Variants in FNDC5 observed in about 807,000 individuals in gnomAD.
FNDC5 encodes fibronectin type III domain-containing protein 5.
Under a neutral mutation model 24.6 loss-of-function variants are expected in FNDC5, and 10 were observed. That is an observed-to-expected ratio of 0.41 (90% CI 0.25 to 0.69). The LOEUF is 0.69. Ranked by LOEUF, FNDC5 falls within the 30% of genes least tolerant of loss-of-function variation. FNDC5 has a pLI of 0.34. For synonymous variants in FNDC5, 90 were observed against 110.7 expected, an observed-to-expected ratio of 0.81 and a Z score of 1.18; for missense variants, 226 against 282.9, an observed-to-expected ratio of 0.80 and a Z score of 1.44.
chr1:32,869,708 A>C (rs1287234598), intron 1 of FNDC5, among the ~76,000 whole-genome samples: 1 of 151,916 alleles, frequency 6.6e-6, no homozygotes, highest in Non-Finnish European at 1.5e-5. Flanking sequence ...ATGAGGAATC[A>C]CTCCAGAAGA....
chr1:32,868,302 C>A lies in FNDC5; in HGVS notation c.297G>T (p.Thr99=), dbSNP rs371060777. 2.8e-5 allele frequency: 46 copies of A among 1,614,206 alleles called. No homozygotes were observed. The East Asian group carries it at 1.0e-3, about 35-fold the overall frequency. ...TGGCCTGCACGTGGACTATGTACTC[C>A]GTATCCTCCTCCAGGTCCCAGAGGG... The change falls in exon 3 of 6, where the codon ACG becomes ACT. Residue 99 remains threonine, a synonymous_variant. Coordinates refer to ENST00000373471, the MANE Select transcript of FNDC5 (RefSeq NM_153756.3). The surrounding 1 kb of genome is among the most constrained non-coding windows in gnomAD (Gnocchi z 4.8).
At chr1:32,866,169 G>T (rs984804309) in intron 4 of FNDC5, among the ~76,000 whole-genome samples, 1 of 151,954 alleles carries the variant, frequency 6.6e-6, no homozygotes, top group Non-Finnish European at 1.5e-5. Context: ...GGGTTAATTC[G>T]CTATGTTTAT....
rs565322773 is a variant in FNDC5, at chr1:32,869,866, C to T, written c.94+787G>A. Among the ~76,000 whole-genome samples the T allele has an allele frequency of 1.3e-5, 2 of 152,184 alleles. 1 individual carries two copies. The highest frequency in any genetic ancestry group is 4.1e-4 in the South Asian group (2 of 4,820). On this transcript the variant is annotated intron_variant, in intron 1 of 5. Coordinates refer to ENST00000373471, the MANE Select transcript of FNDC5 (RefSeq NM_153756.3). ...GGGCAGAGCTGCGCCTGAGCAGCACCCCTCACCCCACAGAGAGTGAACTTG... is the reference window on the plus strand; with the variant it reads ...GGGCAGAGCTGCGCCTGAGCAGCACTCCTCACCCCACAGAGAGTGAACTTG...
chr1:32,865,601 G>A (rs1305401768), intron 4 of FNDC5, among the ~76,000 whole-genome samples: 2 of 152,054 alleles, frequency 1.3e-5, no homozygotes, highest in African/African-American at 4.8e-5. Context: ...AGTGAGCTGA[G>A]ATCAGGCCAC....
rs1641168468 is a variant in FNDC5 at position 32,870,795 on chromosome 1, T to C, written c.-49A>G. The C allele has an allele frequency of 1.2e-6, 1 of 840,918 alleles. No homozygotes were observed. The highest frequency in any genetic ancestry group is 1.9e-5 in the African/African-American group (1 of 52,762). The allele number at this position is 840,918 out of a possible 1,614,324, so 52.1% of individuals were successfully genotyped here. A position where few individuals can be genotyped will look rare whatever the true frequency, so the allele number is the denominator to read the frequency against. On this transcript the variant is annotated 5_prime_UTR_variant, in exon 1 of 6. Coordinates refer to ENST00000373471, the MANE Select transcript of FNDC5 (RefSeq NM_153756.3). ...CCGGGGCGGCGCAGGGGGACGCGGC[T>C]CCGGCGCCCGGCGGCCGCTCGCGCT...
Position 32,870,812 on chromosome 1 carries a change from G to T in FNDC5, c.-66C>A. The T allele has an allele frequency of 3.4e-6, 2 of 589,026 alleles. No individual in the cohort carries two copies. The highest frequency in any genetic ancestry group is 4.2e-6 in the Non-Finnish European group (2 of 472,286). 36.5% of individuals were successfully genotyped at this position (589,026 alleles called of 1,614,324 possible). On this transcript the variant is annotated 5_prime_UTR_variant, in exon 1 of 6. Coordinates refer to ENST00000373471, the MANE Select transcript of FNDC5 (RefSeq NM_153756.3). Reference sequence around the variant, plus strand: ...GACGCGGCTCCGGCGCCCGGCGGCCGCTCGCGCTCGCGCTCCGGCCCCCGG... The same window carrying T: ...GACGCGGCTCCGGCGCCCGGCGGCCTCTCGCGCTCGCGCTCCGGCCCCCGG...
At chr1:32,871,620 G>A (rs1641186191), upstream of FNDC5, among the ~76,000 whole-genome samples, 1 of 152,220 alleles carries the variant, frequency 6.6e-6, no homozygotes, top group Non-Finnish European at 1.5e-5. Context: ...GGAGGAGCCT[G>A]CAGCTTGGAC....
Position 32,863,774 on chromosome 1 carries a change from A to G in FNDC5, c.*520T>C. ...TGATGTTCACTGAGGGCTTGTTTGG[A>G]AACTGGGAGGAAAAAAATGAGAGAA... On this transcript the variant is annotated 3_prime_UTR_variant, in exon 6 of 6. Transcript: ENST00000373471. The G allele has an allele frequency of 7.7e-7, 1 of 1,304,628 alleles. No homozygotes were observed. Among genetic ancestry groups the G allele is most frequent in the Non-Finnish European group, 1.0e-6 (1 of 989,064 alleles). 80.8% of individuals were successfully genotyped at this position (1,304,628 alleles called of 1,614,324 possible).
intron 3 of FNDC5, 115 bp from the exon 4 acceptor site, chr1:32,867,957 A>G: frequency 8.9e-7 from 1 of 1,127,536 alleles, no homozygotes. Flanking sequence ...TCTAACATAC[A>G]TTCTAGAATG....
intron 5 of FNDC5, 26 bp downstream of exon 5, chr1:32,864,638 C>T (rs1157384050): frequency 6.2e-7 from 1 of 1,613,374 alleles, no homozygotes; most frequent in East Asian, 2.2e-5. Context: ...CAGGGTGGCC[C>T]ACCCAGGCCC....
rs1641170249 is a variant in FNDC5 at position 32,870,833 on chromosome 1, C to CCGGCCCGG, written c.-88_-87insCCGGGCCG. On this transcript the variant is annotated 5_prime_UTR_variant, in exon 1 of 6. Coordinates refer to ENST00000373471, the MANE Select transcript of FNDC5 (RefSeq NM_153756.3). ...GGCCGCTCGCGCTCGCGCTCCGGCC[C>CCGGCCCGG]CCGGCCCGGCCGGCCCGGCCGCTCC... is the stretch of plus-strand genomic sequence containing the variant. The CCGGCCCGG allele has an allele frequency of 3.4e-5, 13 of 378,356 alleles. No homozygotes were observed. The highest frequency in any genetic ancestry group is 4.6e-5 in the Non-Finnish European group (13 of 279,800). 23.4% of individuals were successfully genotyped at this position (378,356 alleles called of 1,614,324 possible).
chr1:32,871,055 G>A (rs1416420289), upstream of FNDC5: 2 of 150,678 alleles, frequency 1.3e-5, no homozygotes, highest in South Asian at 2.1e-4. Flanking sequence ...TAGGTCCTCT[G>A]CCGGGGAGGA....
chr1:32,863,969 C>T lies in FNDC5; in HGVS notation c.*325G>A, dbSNP rs904562065. On this transcript the variant is annotated 3_prime_UTR_variant, in exon 6 of 6. Coordinates refer to ENST00000373471, the MANE Select transcript of FNDC5 (RefSeq NM_153756.3). ...TGTCTTTTTGCCTTTTCAAACCCAG[C>T]CTTCAGCCTCACTCAACTGAATGGC... 7 of 1,306,164 alleles carry T rather than the reference C, an allele frequency of 5.4e-6. No homozygotes were observed. The African/African-American group carries it at 1.1e-4, about 20-fold the overall frequency. The allele number at this position is 1,306,164 out of a possible 1,614,324, so 80.9% of individuals were successfully genotyped here.
chr1:32,866,739 A>C (rs1206695596), intron 4 of FNDC5, among the ~76,000 whole-genome samples: 1 of 152,192 alleles, frequency 6.6e-6, no homozygotes, highest in Non-Finnish European at 1.5e-5. Flanking sequence ...ACGAAAAGAA[A>C]AAAGAAAAGT....
chr1:32,867,194 TAAAG>T (rs1641086856), intron 4 of FNDC5, among the ~76,000 whole-genome samples: 1 of 151,928 alleles, frequency 6.6e-6, no homozygotes. Context: ...ACACAAGGGC[TAAAG>T]AGAGGGTTAA....
intron 1 of FNDC5, 91 bp downstream of exon 1, chr1:32,870,562 A>AG: frequency 1.3e-6 from 1 of 764,804 alleles, no homozygotes; most frequent in Non-Finnish European, 1.7e-6. Context: ...AGGAGTCCCT[A>AG]GGGGGCAGAG....
intron 4 of FNDC5, 53 bp from the exon 5 acceptor site, chr1:32,864,850 C>T: frequency 6.2e-7 from 1 of 1,604,264 alleles, no homozygotes. Flanking sequence ...TCCTGCCTCC[C>T]CTGCTTCTTT....
chr1:32,866,138 AC>A (rs1237205206), intron 4 of FNDC5, among the ~76,000 whole-genome samples: 1 of 152,156 alleles, frequency 6.6e-6, no homozygotes, highest in Admixed American at 6.5e-5. Flanking sequence ...TATTATCCTA[AC>A]AAAATTACAT....
chr1:32,871,841 G>C (rs183937118), upstream of FNDC5, among the ~76,000 whole-genome samples: 6 of 152,322 alleles, frequency 3.9e-5, no homozygotes, highest in East Asian at 1.2e-3. Context: ...CTCTGAGAAG[G>C]GGAGTGGCTC....
Sources: allele counts gnomAD v4.1 joint callset (sites outside exome capture counted in the v4.1 genomes callset), GRCh38; gene constraint gnomAD v4.1.1; non-coding constraint Gnocchi (gnomAD v3.1); transcripts MANE v1.5; gene names NCBI Gene and HGNC (gene_info 2026-07-23, HGNC 2026-07-21).